The following FRMD4A variants were observed in gnomAD, a reference collection of about 807,000 sequenced individuals.
The protein encoded by FRMD4A is FERM domain containing 4A.
FRMD4A carries 29 observed loss-of-function variants against 129.1 expected under a neutral mutation model. That is an observed-to-expected ratio of 0.22 (90% CI 0.17 to 0.31). FRMD4A has a LOEUF of 0.31. Ranked by LOEUF, FRMD4A falls within the 10% of genes least tolerant of loss-of-function variation. FRMD4A has a pLI of 1.00. For missense variants in FRMD4A, 1,272 were observed against 1,375.8 expected (o/e 0.92, Z 1.19); for synonymous variants, 634 against 571.6 (o/e 1.11, Z -1.56).
rs1330645507 is a variant in FRMD4A at position 13,864,290 on chromosome 10, C to A, written c.46-5378G>T. On this transcript the variant is annotated intron_variant, in intron 2 of 24. Coordinates refer to ENST00000357447, the MANE Select transcript of FRMD4A (RefSeq NM_018027.5). ...GGATTATAGGCATGAGCCACCACAC[C>A]CCGCCATAGCAAAGCCATTTCTTAA... is the stretch of plus-strand genomic sequence containing the variant. Among the ~76,000 whole-genome samples, 9 of 148,714 alleles carry A rather than the reference C, an allele frequency of 6.1e-5. No individual in the cohort carries two copies. In the Admixed American group the frequency reaches 6.1e-4, roughly 10 times the overall value.
At chr10:13,788,381 C>T (rs2092917787) in intron 5 of FRMD4A, among the ~76,000 whole-genome samples, 1 of 152,198 alleles carries the variant, frequency 6.6e-6, no homozygotes, top group South Asian at 2.1e-4. Context: ...CTTGCCCGTT[C>T]CTCCCCAAAG....
At chr10:13,813,432 C>T (rs1027836735) in intron 3 of FRMD4A, among the ~76,000 whole-genome samples, 1 of 152,188 alleles carries the variant, frequency 6.6e-6, no homozygotes, top group Non-Finnish European at 1.5e-5. Context: ...CAGAGCGAGA[C>T]TGTCTCAAAA....
chr10:13,870,132 T>A (rs1053861167), intron 2 of FRMD4A, among the ~76,000 whole-genome samples: 4 of 152,316 alleles, frequency 2.6e-5, no homozygotes, highest in South Asian at 2.1e-4. Context: ...AGGCAGAGGC[T>A]AATGGGAACA....
chr10:13,915,107 T>C (rs535356176), intron 2 of FRMD4A, among the ~76,000 whole-genome samples: 22 of 152,156 alleles, frequency 1.4e-4, no homozygotes, highest in Non-Finnish European at 2.9e-4. Flanking sequence ...AACAACATTA[T>C]AGGGAGTACT....
In FRMD4A at chr10:14,202,438, G is replaced by C. The variant is rs180851927; in HGVS notation, c.45+127620C>G. Reference sequence around the variant, plus strand: ...TATTTTTGAGATGGAGTCTCGCTCTGTTGCCCAGGCTGGGGTGCAGTGGCG... The same window carrying C: ...TATTTTTGAGATGGAGTCTCGCTCTCTTGCCCAGGCTGGGGTGCAGTGGCG... On this transcript the variant is annotated intron_variant, in intron 2 of 24. Transcript: ENST00000357447. Among the ~76,000 whole-genome samples the C allele has an allele frequency of 2.6e-5, 4 of 152,274 alleles. No homozygotes were observed. The East Asian group carries it at 7.7e-4, about 29-fold the overall frequency.
At chr10:13,708,407 T>C (rs1297636104) in intron 12 of FRMD4A, among the ~76,000 whole-genome samples, 1 of 152,250 alleles carries the variant, frequency 6.6e-6, no homozygotes, top group Non-Finnish European at 1.5e-5. Flanking sequence ...GCTTCTGGAA[T>C]GGCCACATTC....
At chr10:14,129,477 G>A (rs546094780) in intron 2 of FRMD4A, among the ~76,000 whole-genome samples, 355 of 147,322 alleles carry the variant, frequency 2.4e-3, no homozygotes, top group African/African-American at 7.3e-3. Context: ...ACAGATCACA[G>A]AGAGGGTCAA....
At chr10:14,114,605 G>A (rs996931028) in intron 2 of FRMD4A, among the ~76,000 whole-genome samples, 13 of 152,308 alleles carry the variant, frequency 8.5e-5, no homozygotes, top group East Asian at 5.8e-4. Context: ...AGGGAGGGGC[G>A]TGGAGGAAGA....
intron 2 of FRMD4A, among the ~76,000 whole-genome samples, chr10:14,052,611 C>A (rs1471008549): frequency 6.6e-6 from 1 of 152,048 alleles, no homozygotes; most frequent in South Asian, 2.1e-4. Flanking sequence ...CAGGCTGGAG[C>A]ACAATGGCAC....
chr10:14,198,845 TCA>T (rs1458590099), intron 2 of FRMD4A, among the ~76,000 whole-genome samples: 1 of 152,222 alleles, frequency 6.6e-6, no homozygotes, highest in Non-Finnish European at 1.5e-5. Flanking sequence ...GCTCTAAGTC[TCA>T]GTTTTCTCAT....
intron 3 of FRMD4A, among the ~76,000 whole-genome samples, chr10:13,822,263 C>T (rs6602686): frequency 0.48 from 72,939 of 152,060 alleles, 17,888 homozygotes; most frequent in East Asian, 0.59. Flanking sequence ...TTGAAGACAT[C>T]GTTATTAGCT....
intron 19 of FRMD4A, among the ~76,000 whole-genome samples, chr10:13,663,154 C>CA (rs370001653): frequency 2.7e-4 from 41 of 151,072 alleles, no homozygotes; most frequent in Admixed American, 1.1e-3. Context: ...CATACCACTG[C>CA]ACTCCAGCCT....
chr10:13,713,443 C>T (rs539321452), intron 12 of FRMD4A, among the ~76,000 whole-genome samples: 1 of 152,164 alleles, frequency 6.6e-6, no homozygotes, highest in African/African-American at 2.4e-5. Flanking sequence ...GGAATAATCT[C>T]CAAGCTCAGA....
intron 2 of FRMD4A, among the ~76,000 whole-genome samples, chr10:14,195,452 C>T (rs943405789): frequency 3.3e-5 from 5 of 152,026 alleles, no homozygotes; most frequent in Middle Eastern, 6.8e-3. Context: ...AAATCAGTTG[C>T]CATCAGAAAA....
intron 2 of FRMD4A, among the ~76,000 whole-genome samples, chr10:13,981,890 G>C (rs1281453723): frequency 1.3e-5 from 2 of 152,134 alleles, no homozygotes; most frequent in Non-Finnish European, 2.9e-5. Context: ...GAAGCAGGTA[G>C]GTGTGCAGGT....
intron 2 of FRMD4A, among the ~76,000 whole-genome samples, chr10:14,094,336 A>C (rs1836825300): frequency 6.6e-6 from 1 of 152,240 alleles, no homozygotes; most frequent in African/African-American, 2.4e-5. Flanking sequence ...CATGGAAGGC[A>C]TCAAAACCGT....
intron 2 of FRMD4A, among the ~76,000 whole-genome samples, chr10:13,892,623 A>C (rs766501817): frequency 2.6e-5 from 4 of 152,194 alleles, no homozygotes; most frequent in Non-Finnish European, 4.4e-5. Context: ...ATAAAATAAA[A>C]GGGGATGCTG....
chr10:14,037,545 T>C (rs1833558249), intron 2 of FRMD4A, among the ~76,000 whole-genome samples: 2 of 152,228 alleles, frequency 1.3e-5, no homozygotes. Context: ...CTTCTATTGA[T>C]GGATATTTGA....
chr10:14,266,290 C>A (rs1818260583), intron 2 of FRMD4A, among the ~76,000 whole-genome samples: 1 of 152,124 alleles, frequency 6.6e-6, no homozygotes, highest in African/African-American at 2.4e-5. Flanking sequence ...TGACAAATGT[C>A]CTGGGGCTGG....
Sources: gnomAD v4.1 joint callset for allele counts (sites outside exome capture counted in the v4.1 genomes callset) on GRCh38, gnomAD v4.1.1 for gene constraint, MANE v1.5 for transcripts, NCBI Gene and HGNC (gene_info 2026-07-23, HGNC 2026-07-21) for gene names.